Variants in EEF1D observed in about 807,000 individuals in gnomAD.
EEF1D encodes the protein elongation factor 1-delta.
A neutral mutation model predicts 63.9 loss-of-function variants in EEF1D; 47 were observed. The observed-to-expected ratio is 0.74, with a 90% CI of 0.58 to 0.94. The LOEUF is 0.94. EEF1D is among the 40% of genes least tolerant of loss of function. The pLI, the probability that EEF1D is intolerant of heterozygous loss-of-function variation, is 0.00. For synonymous variants in EEF1D, 412 were observed against 386.1 expected (o/e 1.07, Z -0.79); for missense variants, 907 against 899.0 (o/e 1.01, Z -0.11).
At chr8:143,581,205 C>A in intron 6 of EEF1D, 24 bp downstream of exon 6, 1 of 1,612,730 alleles carries the variant, frequency 6.2e-7, no homozygotes. Flanking sequence ...GGGACAGCCC[C>A]AACCCACTGG....
chr8:143,594,854 C>T (rs1421023325), intron 1 of EEF1D, among the ~76,000 whole-genome samples: 1 of 152,150 alleles, frequency 6.6e-6, no homozygotes, highest in Non-Finnish European at 1.5e-5. Flanking sequence ...GGCAAAACCA[C>T]CGCACGGCAG....
chr8:143,592,179 C>G, intron 2 of EEF1D: 1 of 985,460 alleles, frequency 1.0e-6, no homozygotes, highest in Non-Finnish European at 1.2e-6. Context: ...TGACATCGTG[C>G]GGTGGTACCC....
In EEF1D at chr8:143,581,073, G is replaced by A; in HGVS notation, c.1469C>T (p.Ala490Val). ...ATTCACCTGGGTCTGTGGGGCCGTG[G>A]CCCGGTGGCCAGGCGAGCTCTTCTC... ...VLEKSSPGHR[A>V]TAPQTQHVSP... Residue 490 changes from alanine (A) to valine (V), a missense_variant, in exon 7 of 10, where the codon GCC (alanine) becomes GTC (valine). Transcript: ENST00000618139. 1 of 1,612,042 alleles carries A rather than the reference G, an allele frequency of 6.2e-7. No homozygotes were observed.
Position 143,581,201 on chromosome 8 carries a change from G to T in EEF1D, c.1387+28C>A, listed in dbSNP as rs1416909046. 4 of 1,612,640 alleles carry T rather than the reference G, an allele frequency of 2.5e-6. No individual in the cohort carries two copies. In the East Asian group the frequency reaches 8.9e-5, roughly 36 times the overall value. ...GGTTAGATGGCAGGGGCCAGGGACA[G>T]CCCCAACCCACTGGCCCGGGGCCTC... On this transcript the variant is annotated intron_variant, in intron 6 of 9. Coordinates refer to ENST00000618139, the MANE Select transcript of EEF1D (RefSeq NM_001130053.5).
rs746924680 is a variant in EEF1D, at chr8:143,586,179, C to G, written c.1287+40G>C. ...GGAAAAATCAGACATGCTGCTTGGC[C>G]GAGCAGGAGCCCGCAGGTCCGTGGG... is the stretch of plus-strand genomic sequence containing the variant. On this transcript the variant is annotated intron_variant, in intron 5 of 9. Transcript: ENST00000618139. 3 of 1,575,660 alleles carry G rather than the reference C, an allele frequency of 1.9e-6. No homozygotes were observed. The South Asian group carries it at 3.5e-5, about 18-fold the overall frequency.
rs148681550 is a variant in EEF1D at position 143,581,501 on chromosome 8, G to GACC, written c.1288-176_1288-174dup. Reference sequence around the variant, plus strand: ...GACCTCAGAGGTGGCGGCCACCACAGACCACAGTGAAATTCTCAGCCAGGC... The same window carrying GACC: ...GACCTCAGAGGTGGCGGCCACCACAGACCACCACAGTGAAATTCTCAGCCAGGC... On this transcript the variant is annotated intron_variant, in intron 5 of 9. Coordinates refer to ENST00000618139, the MANE Select transcript of EEF1D (RefSeq NM_001130053.5). 5.3e-3 allele frequency: 3,224 copies of GACC among 609,436 alleles called. 74 individuals carry two copies. Among genetic ancestry groups the GACC allele is most frequent in the African/African-American group, 0.045 (2,418 of 54,098 alleles). The allele number at this position is 609,436 out of a possible 1,614,324, so 37.8% of individuals were successfully genotyped here.
intron 4 of EEF1D, 127 bp from the exon 5 acceptor site, chr8:143,586,417 G>A (rs1378968248): frequency 1.0e-6 from 1 of 960,394 alleles, no homozygotes; most frequent in East Asian, 2.7e-5. Flanking sequence ...CAGAACGAGA[G>A]CTTGGCGGGC....
intron 1 of EEF1D, chr8:143,594,449 G>C (rs1275481366): frequency 6.6e-6 from 1 of 152,622 alleles, no homozygotes; most frequent in Non-Finnish European, 1.5e-5. Context: ...GCAGGGCCCT[G>C]AGGAAGGTGA....
intron 2 of EEF1D, chr8:143,592,278 T>G: frequency 1.0e-6 from 1 of 985,074 alleles, no homozygotes; most frequent in Non-Finnish European, 1.2e-6. Flanking sequence ...CTACCAGACT[T>G]TATTGGCCAA....
chr8:143,588,794 G>T, intron 3 of EEF1D, 197 bp downstream of exon 3: 1 of 720,482 alleles, frequency 1.4e-6, no homozygotes, highest in Non-Finnish European at 2.2e-6. Context: ...GTAACCTCAA[G>T]CAGTGTCCCT....
At position 143,590,224 on chromosome 8, in the gene EEF1D, G is replaced by A. The variant is rs747282446; in HGVS notation, c.1-143C>T. 8.2e-6 allele frequency: 10 copies of A among 1,216,726 alleles called. No homozygotes were observed. In the South Asian group the frequency reaches 1.3e-4, roughly 16 times the overall value. 75.4% of individuals were successfully genotyped at this position (1,216,726 alleles called of 1,614,324 possible). On this transcript the variant is annotated intron_variant, in intron 2 of 9. Transcript: ENST00000618139. ...GGGGCTGAGGATGCTCCCCAGTGGG[G>A]CTTCCATGAGATGACATTCGAGGAC...
At chr8:143,595,771 T>G (rs7814045) in intron 1 of EEF1D, among the ~76,000 whole-genome samples, 1 of 152,036 alleles carries the variant, frequency 6.6e-6, no homozygotes, top group Non-Finnish European at 1.5e-5. Flanking sequence ...GCGCAGCCCC[T>G]GTGCCTCCTG....
In EEF1D at chr8:143,592,678, A is replaced by C. The variant is rs1345227748; in HGVS notation, c.-14-18T>G. 2 of 985,528 alleles carry C rather than the reference A, an allele frequency of 2.0e-6. No individual in the cohort carries two copies. Among genetic ancestry groups the C allele is most frequent in the Non-Finnish European group, 2.4e-6 (2 of 830,078 alleles). The allele number at this position is 985,528 out of a possible 1,614,324, so 61.0% of individuals were successfully genotyped here. A position where few individuals can be genotyped will look rare whatever the true frequency, so the allele number is the denominator to read the frequency against. ...TTGGCCTCCTAGGACAGCATGAAGG[A>C]AAAGCAGCAAGGTTAGAGGCAGCCA... is the stretch of plus-strand genomic sequence containing the variant. On this transcript the variant is annotated intron_variant, in intron 1 of 9. Transcript: ENST00000618139.
intron 2 of EEF1D, 144 bp from the exon 3 acceptor site, chr8:143,590,225 C>T: frequency 1.0e-6 from 1 of 977,430 alleles, no homozygotes; most frequent in Non-Finnish European, 1.4e-6. Flanking sequence ...CCCAGTGGGG[C>T]TTCCATGAGA....
intron 5 of EEF1D, 162 bp downstream of exon 5, chr8:143,586,056 TC>T (rs1826521413): frequency 8.6e-6 from 5 of 580,542 alleles, no homozygotes; most frequent in Admixed American, 3.1e-5. Context: ...TCCGTGGCAG[TC>T]CGGGCATGGA....
chr8:143,596,959 C>T (rs1828941565), intron 1 of EEF1D: 1 of 152,254 alleles, frequency 6.6e-6, no homozygotes, highest in Non-Finnish European at 1.5e-5. Context: ...TGGTGCTTGA[C>T]AAAGACGTGG....
intron 2 of EEF1D, chr8:143,592,018 G>C: frequency 1.0e-6 from 1 of 983,882 alleles, no homozygotes; most frequent in Non-Finnish European, 1.2e-6. Context: ...CCCATGGGAG[G>C]CCACAGGGCC....
At chr8:143,586,178 C>T in intron 5 of EEF1D, 41 bp downstream of exon 5, 1 of 1,576,114 alleles carries the variant, frequency 6.3e-7, no homozygotes, top group Non-Finnish European at 8.6e-7. Flanking sequence ...TGCTGCTTGG[C>T]CGAGCAGGAG....
rs759488885 is a variant in EEF1D at position 143,590,070 on chromosome 8, C to T, written c.12G>A (p.Gly4=). The T allele has an allele frequency of 3.3e-5, 52 of 1,598,600 alleles. 1 individual carries two copies. In the South Asian group the frequency reaches 5.7e-4, roughly 18 times the overall value. Residue 4 remains glycine (G), a synonymous_variant, in exon 3 of 10, where the codon GGG becomes GGA. Coordinates refer to ENST00000618139, the MANE Select transcript of EEF1D (RefSeq NM_001130053.5). Reference sequence around the variant, plus strand: ...CGGTCTCCAGGGTGCAGGAGGCCTTCCCGCTCCTCATCTTCCGGACACAGC... The same window carrying T: ...CGGTCTCCAGGGTGCAGGAGGCCTTTCCGCTCCTCATCTTCCGGACACAGC... MRS[G]KASCTLETVW...
Sources: allele counts gnomAD v4.1 joint callset (sites outside exome capture counted in the v4.1 genomes callset), GRCh38; gene constraint gnomAD v4.1.1; transcripts MANE v1.5; gene names NCBI Gene and HGNC (gene_info 2026-07-23, HGNC 2026-07-21).